The following LRP1B variants were observed in gnomAD, a reference collection of about 807,000 sequenced individuals.
The protein encoded by LRP1B is LDL receptor related protein 1B.
Under a neutral mutation model 556.6 loss-of-function variants are expected in LRP1B, and 217 were observed. The observed-to-expected ratio is 0.39, with a 90% confidence interval of 0.35 to 0.44. The LOEUF (loss-of-function observed/expected upper bound fraction) is 0.44. Among genes scored for constraint, LRP1B ranks in the 20% least tolerant of loss-of-function variants. The pLI, the probability that LRP1B is intolerant of heterozygous loss-of-function variation, is 1.00. For missense variants in LRP1B, 5,053 were observed against 5,620.8 expected, an observed-to-expected ratio of 0.90 and a Z score of 3.23; for synonymous variants, 2,047 against 1,865.8, an observed-to-expected ratio of 1.10 and a Z score of -2.50.
Position 141,968,940 on chromosome 2 carries a change from T to C in LRP1B, c.83-158539A>G, listed in dbSNP as rs115005386. Reference sequence around the variant, plus strand: ...CTTCCCACTCTTACAGAACTGTCATTCTATTTCTTTTTTTCTTTTTTTTAA... The same window carrying C: ...CTTCCCACTCTTACAGAACTGTCATCCTATTTCTTTTTTTCTTTTTTTTAA... On this transcript the variant is annotated intron_variant, in intron 1 of 90. Transcript: ENST00000389484. Among the ~76,000 whole-genome samples, 1,452 of 151,736 alleles carry C rather than the reference T, an allele frequency of 9.6e-3. 25 individuals are homozygous for C. Among genetic ancestry groups the C allele is most frequent in the African/African-American group, 0.033 (1,379 of 41,486 alleles).
intron 2 of LRP1B, among the ~76,000 whole-genome samples, chr2:141,644,440 A>G (rs1349278586): frequency 1.3e-5 from 2 of 152,072 alleles, no homozygotes; most frequent in Non-Finnish European, 2.9e-5. Context: ...AAGTCCATCA[A>G]ACCTCTTTCT....
At chr2:140,813,575 C>A (rs1691001325) in intron 32 of LRP1B, 82 bp downstream of exon 32, 5 of 1,290,718 alleles carry the variant, frequency 3.9e-6, no homozygotes, top group Middle Eastern at 2.1e-4. Flanking sequence ...GGAGCAGTAA[C>A]TTTCCTAAGC....
chr2:142,035,459 T>C (rs1574618376), intron 1 of LRP1B, among the ~76,000 whole-genome samples: 1 of 151,472 alleles, frequency 6.6e-6, no homozygotes, highest in African/African-American at 2.4e-5. Context: ...AGCACACTTA[T>C]TTGTATTTTT....
At chr2:141,629,110 C>T (rs77695788) in intron 2 of LRP1B, among the ~76,000 whole-genome samples, 107 of 152,170 alleles carry the variant, frequency 7.0e-4, no homozygotes, top group Admixed American at 1.8e-3. Flanking sequence ...TTTTTCCAAA[C>T]TTACTATGAC....
At chr2:140,868,000 T>A (rs1379216327) in intron 26 of LRP1B, 99 bp downstream of exon 26, 1 of 1,329,370 alleles carries the variant, frequency 7.5e-7, no homozygotes, top group Middle Eastern at 2.2e-4. Flanking sequence ...CCAATTTTAA[T>A]ATATGTATAC....
At chr2:140,756,552 A>T (rs1688746419) in intron 35 of LRP1B, among the ~76,000 whole-genome samples, 1 of 152,126 alleles carries the variant, frequency 6.6e-6, no homozygotes, top group African/African-American at 2.4e-5. Context: ...GATTTCCAAC[A>T]ATTTGCCAAG....
intron 11 of LRP1B, among the ~76,000 whole-genome samples, chr2:141,030,747 A>G (rs1698345050): frequency 6.6e-6 from 1 of 152,086 alleles, no homozygotes; most frequent in Non-Finnish European, 1.5e-5. Flanking sequence ...AGCATACTAT[A>G]CTACAGTAGA....
At chr2:140,526,963 T>G (rs1032840459) in intron 47 of LRP1B, among the ~76,000 whole-genome samples, 11 of 151,822 alleles carry the variant, frequency 7.2e-5, no homozygotes, top group African/African-American at 2.7e-4. Flanking sequence ...ATCTATGCTA[T>G]CTCATACTCT....
chr2:141,624,036 C>CAAAAAAAAAAAAAAAAAAAAAAAAAG, intron 2 of LRP1B, among the ~76,000 whole-genome samples: 1 of 90,760 alleles, frequency 1.1e-5, no homozygotes, highest in Admixed American at 1.5e-4. Flanking sequence ...AAAAATTAAA[C>CAAAAAAAAAAAAAAAAAAAAAAAAAG]AAAAAAAAAA....
At chr2:140,421,287 T>A (rs1685431956) in intron 66 of LRP1B, among the ~76,000 whole-genome samples, 1 of 152,112 alleles carries the variant, frequency 6.6e-6, no homozygotes, top group Non-Finnish European at 1.5e-5. Context: ...AAATATGTGG[T>A]TTCCTGTATG....
chr2:140,386,066 A>G, intron 66 of LRP1B, 57 bp from the exon 67 acceptor site: 1 of 1,055,640 alleles, frequency 9.5e-7, no homozygotes, highest in Non-Finnish European at 1.5e-6. Context: ...CATCCCTCAC[A>G]ACGTCCTCAC....
intron 2 of LRP1B, among the ~76,000 whole-genome samples, chr2:141,737,545 C>T (rs560759242): frequency 5.9e-5 from 9 of 152,158 alleles, no homozygotes; most frequent in African/African-American, 1.9e-4. Context: ...AAATTATTGC[C>T]TTCAGGGAAA....
chr2:142,057,505 A>C (rs1704721107), intron 1 of LRP1B, among the ~76,000 whole-genome samples: 1 of 152,124 alleles, frequency 6.6e-6, no homozygotes, highest in African/African-American at 2.4e-5. Context: ...GCTGGGGAAA[A>C]AATAGAGAAC....
chr2:140,336,606 A>G (rs918147112), intron 77 of LRP1B, among the ~76,000 whole-genome samples: 3 of 151,962 alleles, frequency 2.0e-5, no homozygotes, highest in African/African-American at 7.2e-5. Context: ...AATTGAAAAA[A>G]TGATTAGTAT....
chr2:141,577,902 A>C (rs1686808900), intron 2 of LRP1B, among the ~76,000 whole-genome samples: 1 of 152,210 alleles, frequency 6.6e-6, no homozygotes, highest in Non-Finnish European at 1.5e-5. Flanking sequence ...GAAGGAATGC[A>C]GAGCTTCTTA....
At chr2:141,430,619 A>AT (rs58187346) in intron 3 of LRP1B, among the ~76,000 whole-genome samples, 42 of 151,358 alleles carry the variant, frequency 2.8e-4, no homozygotes, top group Admixed American at 5.3e-4. Flanking sequence ...TTCAATTTTT[A>AT]TTTTTTTTTA....
intron 1 of LRP1B, among the ~76,000 whole-genome samples, chr2:141,906,645 A>G (rs1178396049): frequency 4.6e-5 from 7 of 152,062 alleles, no homozygotes; most frequent in African/African-American, 1.7e-4. Context: ...TTATTGCATT[A>G]ACATCACATA....
At chr2:141,113,553 T>C (rs1674775377) in intron 7 of LRP1B, among the ~76,000 whole-genome samples, 1 of 152,162 alleles carries the variant, frequency 6.6e-6, no homozygotes, top group Admixed American at 6.5e-5. Flanking sequence ...CTATACTGTA[T>C]GAGGTTTGCA....
intron 31 of LRP1B, among the ~76,000 whole-genome samples, chr2:140,823,813 C>A (rs775184941): frequency 6.6e-6 from 1 of 151,708 alleles, no homozygotes; most frequent in Non-Finnish European, 1.5e-5. Context: ...AAAATATTAT[C>A]CTTAGCAAAC....
Sources: gnomAD v4.1 joint callset for allele counts (sites outside exome capture counted in the v4.1 genomes callset) on GRCh38, gnomAD v4.1.1 for gene constraint, MANE v1.5 for transcripts, NCBI Gene and HGNC (gene_info 2026-07-23, HGNC 2026-07-21) for gene names.